GRB10: variants seen among roughly 807,000 people sequenced by gnomAD.
The protein encoded by GRB10 is growth factor receptor-bound protein 10.
GRB10 carries 20 observed loss-of-function variants against 80.9 expected under a neutral mutation model. The observed-to-expected ratio is 0.25, with a 90% CI of 0.17 to 0.36. GRB10 has a LOEUF of 0.36. Ranked by LOEUF, GRB10 falls within the 10% of genes least tolerant of loss-of-function variation. The probability of loss-of-function intolerance (pLI) is 1.00; values close to 1 mark genes in which losing one functional copy is unlikely to be tolerated. For missense variants in GRB10, 548 were observed against 747.7 expected (o/e 0.73, Z 3.12); for synonymous variants, 291 against 291.5 (o/e 1.00, Z 0.02).
At position 50,614,828 on chromosome 7, in the gene GRB10, GAGA is replaced by G; in HGVS notation, c.1034_1036del (p.Phe345del). ...GTACTGCTTCCTGCCAGCGATCAGG[GAGA>G]AGATGTTGCTGTCCTCCAGGTCGGC... On this transcript the variant is annotated inframe_deletion, in exon 12 of 19. Coordinates refer to ENST00000401949, the MANE Select transcript of GRB10 (RefSeq NM_001350814.2). The G allele has an allele frequency of 6.2e-7, 1 of 1,614,070 alleles. No individual in the cohort carries two copies. Among genetic ancestry groups the G allele is most frequent in the Non-Finnish European group, 8.5e-7 (1 of 1,180,002 alleles).
intron 2 of GRB10, among the ~76,000 whole-genome samples, chr7:50,773,828 T>C (rs1431915872): frequency 6.6e-6 from 1 of 152,248 alleles, no homozygotes; most frequent in African/African-American, 2.4e-5. Flanking sequence ...AAAAGTAGTA[T>C]ATACATACAA....
rs116210786 is a variant in GRB10 at position 50,643,041 on chromosome 7, G to C, written c.505-16063C>G. Reference sequence around the variant, plus strand: ...CAAAAGGAAAATACATTTGACCCTTGGACAACACAGGTTTGAACCATTCGG... The same window carrying C: ...CAAAAGGAAAATACATTTGACCCTTCGACAACACAGGTTTGAACCATTCGG... On this transcript the variant is annotated intron_variant, in intron 7 of 18. Coordinates refer to ENST00000401949, the MANE Select transcript of GRB10 (RefSeq NM_001350814.2). Among the ~76,000 whole-genome samples the C allele has an allele frequency of 3.9e-3, 592 of 152,048 alleles. 5 individuals are homozygous for C. The highest frequency in any genetic ancestry group is 0.014 in the African/African-American group (570 of 41,472).
Position 50,669,882 on chromosome 7 carries a change from T to C in GRB10, c.363-19A>G. On this transcript the variant is annotated intron_variant, in intron 6 of 18. Coordinates refer to ENST00000401949, the MANE Select transcript of GRB10 (RefSeq NM_001350814.2). ...AAGGCGCCTGGAAGGCAGGGATAAG[T>C]GCCTGTTAAAAGCTGCCATTCCCCA... The C allele has an allele frequency of 6.2e-7, 1 of 1,601,828 alleles. No homozygotes were observed. Among genetic ancestry groups the C allele is most frequent in the South Asian group, 1.1e-5 (1 of 89,026 alleles).
intron 4 of GRB10, 53 bp from the exon 5 acceptor site, chr7:50,703,961 ACT>A: frequency 7.8e-6 from 9 of 1,150,774 alleles, no homozygotes; most frequent in Non-Finnish European, 1.2e-5. Flanking sequence ...GAAGCATCCC[ACT>A]CTTTTCAACA....
chr7:50,759,140 CT>C (rs2075442406), intron 2 of GRB10, among the ~76,000 whole-genome samples: 1 of 150,388 alleles, frequency 6.6e-6, no homozygotes, highest in Admixed American at 6.7e-5. Flanking sequence ...CTGCAGTGAG[CT>C]GAGATCACAC....
At chr7:50,606,472 G>A (rs1418744673) in intron 13 of GRB10, 58 bp from the exon 14 acceptor site, 1 of 1,219,108 alleles carries the variant, frequency 8.2e-7, no homozygotes, top group Middle Eastern at 2.0e-4. Flanking sequence ...CCCGGCATGT[G>A]ACAAACGCCA....
At chr7:50,643,237 C>G (rs139131258) in intron 7 of GRB10, among the ~76,000 whole-genome samples, 1 of 152,164 alleles carries the variant, frequency 6.6e-6, no homozygotes, top group East Asian at 1.9e-4. Context: ...GTCCTGGAAC[C>G]AATCCCCCAT....
At chr7:50,733,524 G>A (rs190638736) in intron 3 of GRB10, among the ~76,000 whole-genome samples, 6 of 152,256 alleles carry the variant, frequency 3.9e-5, no homozygotes, top group Admixed American at 2.6e-4. Flanking sequence ...ACCAAAGAAC[G>A]CCCCAGAACA....
At chr7:50,748,014 C>T (rs4947837) in intron 3 of GRB10, among the ~76,000 whole-genome samples, 138,004 of 152,096 alleles carry the variant, frequency 0.91, 62,759 homozygotes, top group African/African-American at 0.96. Flanking sequence ...GTGCAGGTGG[C>T]AAATTCTAGA....
chr7:50,740,781 A>C (rs1379066698), intron 3 of GRB10, among the ~76,000 whole-genome samples: 1 of 152,064 alleles, frequency 6.6e-6, no homozygotes, highest in African/African-American at 2.4e-5. Context: ...AGTAAATGTC[A>C]GTCATCCAAT....
chr7:50,592,728 C>A lies in GRB10; in HGVS notation c.*224G>T. The A allele has an allele frequency of 1.7e-6, 1 of 580,108 alleles. No individual in the cohort carries two copies. Among genetic ancestry groups the A allele is most frequent in the East Asian group, 2.9e-5 (1 of 34,048 alleles). 35.9% of individuals were successfully genotyped at this position (580,108 alleles called of 1,614,324 possible). A position where few individuals can be genotyped will look rare whatever the true frequency, so the allele number is the denominator to read the frequency against. Reference sequence around the variant, plus strand: ...TTCCGCTGGATCTTCCATGCCCTCCCCAATTTGGCCGATGCAGAGGGAGGC... The same window carrying A: ...TTCCGCTGGATCTTCCATGCCCTCCACAATTTGGCCGATGCAGAGGGAGGC... On this transcript the variant is annotated 3_prime_UTR_variant, in exon 19 of 19. Transcript: ENST00000401949.
chr7:50,656,818 T>C (rs1188751170), intron 7 of GRB10, among the ~76,000 whole-genome samples: 1 of 152,178 alleles, frequency 6.6e-6, no homozygotes, highest in Non-Finnish European at 1.5e-5. Context: ...GATGTGGTAA[T>C]CAACATAAGC....
At chr7:50,708,148 T>C (rs1252743920) in intron 4 of GRB10, among the ~76,000 whole-genome samples, 1 of 152,276 alleles carries the variant, frequency 6.6e-6, no homozygotes, top group Non-Finnish European at 1.5e-5. Flanking sequence ...GGAGATACTA[T>C]ATTTTATCTT....
chr7:50,752,761 G>A (rs528029972), intron 3 of GRB10, among the ~76,000 whole-genome samples: 6 of 152,278 alleles, frequency 3.9e-5, no homozygotes, highest in African/African-American at 2.4e-5. Flanking sequence ...GCTGAGCCCC[G>A]CAAGGCAGAA....
intron 2 of GRB10, among the ~76,000 whole-genome samples, chr7:50,772,434 T>C (rs1284455420): frequency 2.0e-5 from 3 of 152,180 alleles, no homozygotes; most frequent in Non-Finnish European, 4.4e-5. Context: ...GGGAATTAAA[T>C]ATCTGTTAAT....
At chr7:50,654,001 G>A (rs367553176) in intron 7 of GRB10, among the ~76,000 whole-genome samples, 18 of 152,204 alleles carry the variant, frequency 1.2e-4, no homozygotes, top group East Asian at 3.9e-4. Flanking sequence ...CCGTCTTCTC[G>A]GGAACCTTTC....
At chr7:50,634,617 A>G (rs187287293) in intron 7 of GRB10, among the ~76,000 whole-genome samples, 1 of 152,296 alleles carries the variant, frequency 6.6e-6, no homozygotes, top group Admixed American at 6.5e-5. Context: ...AAAAAACAAG[A>G]CCCAGCCATC....
At chr7:50,707,195 T>G (rs2065152901) in intron 4 of GRB10, among the ~76,000 whole-genome samples, 1 of 152,248 alleles carries the variant, frequency 6.6e-6, no homozygotes, top group South Asian at 2.1e-4. Context: ...CTCTTCTGAC[T>G]TGATGTATTA....
intron 8 of GRB10, among the ~76,000 whole-genome samples, chr7:50,623,675 T>G (rs892684976): frequency 6.6e-6 from 1 of 152,216 alleles, no homozygotes; most frequent in Non-Finnish European, 1.5e-5. Flanking sequence ...TCTTGGGAAC[T>G]ACCCTCACTT....
Sources: gnomAD v4.1 joint callset for allele counts (sites outside exome capture counted in the v4.1 genomes callset) on GRCh38, gnomAD v4.1.1 for gene constraint, MANE v1.5 for transcripts, NCBI Gene and HGNC (gene_info 2026-07-23, HGNC 2026-07-21) for gene names.